Variants in LDLRAD4 observed in about 807,000 individuals in gnomAD.
The protein encoded by LDLRAD4 is low density lipoprotein receptor class A domain containing 4.
LDLRAD4 carries 5 observed loss-of-function variants against 17.0 expected under a neutral mutation model. That is an observed-to-expected ratio of 0.29 (90% CI 0.15 to 0.62). The LOEUF (loss-of-function observed/expected upper bound fraction) is 0.62. Among genes scored for constraint, LDLRAD4 ranks in the 20% least tolerant of loss-of-function variants. The pLI, the probability that LDLRAD4 is intolerant of heterozygous loss-of-function variation, is 0.84. For missense variants in LDLRAD4, 340 were observed against 424.7 expected, an observed-to-expected ratio of 0.80 and a Z score of 1.75; for synonymous variants, 168 against 171.8, an observed-to-expected ratio of 0.98 and a Z score of 0.17.
intron 1 of LDLRAD4, among the ~76,000 whole-genome samples, chr18:13,347,054 G>T (rs1307995209): frequency 6.6e-6 from 1 of 152,156 alleles, no homozygotes; most frequent in Non-Finnish European, 1.5e-5. Context: ...TTTAACTGGA[G>T]CATTTAGTTC....
chr18:13,536,171 C>T (rs187914035), intron 3 of LDLRAD4, among the ~76,000 whole-genome samples: 7 of 152,184 alleles, frequency 4.6e-5, no homozygotes, highest in East Asian at 1.9e-4. Flanking sequence ...GTCACCTATT[C>T]GAAGAAGTAT....
intron 3 of LDLRAD4, among the ~76,000 whole-genome samples, chr18:13,587,057 T>C (rs1370761315): frequency 6.6e-6 from 1 of 152,192 alleles, no homozygotes; most frequent in Non-Finnish European, 1.5e-5. Flanking sequence ...ATTTTCTTTT[T>C]GGAGGTTTCC....
intron 1 of LDLRAD4, among the ~76,000 whole-genome samples, chr18:13,268,890 CA>C (rs1432748114): frequency 6.6e-6 from 1 of 152,218 alleles, no homozygotes; most frequent in Non-Finnish European, 1.5e-5. Flanking sequence ...AAAATGAAGA[CA>C]GTAAATTAAC....
At chr18:13,314,196 A>G (rs2080810817) in intron 1 of LDLRAD4, among the ~76,000 whole-genome samples, 2 of 152,200 alleles carry the variant, frequency 1.3e-5, no homozygotes, top group South Asian at 2.1e-4. Flanking sequence ...TGATTTTGGC[A>G]TGTTTCCTAA....
chr18:13,548,255 C>T (rs1361590459), intron 3 of LDLRAD4, among the ~76,000 whole-genome samples: 1 of 150,084 alleles, frequency 6.7e-6, no homozygotes, highest in African/African-American at 2.5e-5. Context: ...CTGGAAAAAG[C>T]ACCGTAAGTT....
chr18:13,442,711 G>T (rs2146239083), intron 3 of LDLRAD4, among the ~76,000 whole-genome samples: 1 of 152,326 alleles, frequency 6.6e-6, no homozygotes, highest in South Asian at 2.1e-4. Context: ...TGTTTCCAAA[G>T]CCCCTTGGCC....
At chr18:13,323,100 A>AAG (rs1176399039) in intron 1 of LDLRAD4, among the ~76,000 whole-genome samples, 5 of 152,242 alleles carry the variant, frequency 3.3e-5, no homozygotes, top group African/African-American at 2.4e-5. Flanking sequence ...AGCAGGTGGG[A>AAG]AGAGGAGTAG....
chr18:13,234,318 C>A (rs917311443), intron 1 of LDLRAD4, among the ~76,000 whole-genome samples: 4 of 152,214 alleles, frequency 2.6e-5, no homozygotes, highest in Non-Finnish European at 1.5e-5. Flanking sequence ...CCTGGGTGCG[C>A]ACATTAGTCG....
chr18:13,341,172 CTTTG>C (rs1443600407), intron 1 of LDLRAD4, among the ~76,000 whole-genome samples: 1 of 151,576 alleles, frequency 6.6e-6, no homozygotes, highest in Non-Finnish European at 1.5e-5. Flanking sequence ...AGTCCTCCAG[CTTTG>C]TTTTTTTTTT....
chr18:13,306,938 A>T (rs571830653), intron 1 of LDLRAD4, among the ~76,000 whole-genome samples: 18 of 152,336 alleles, frequency 1.2e-4, no homozygotes, highest in African/African-American at 4.3e-4. Context: ...CTTAATGGAG[A>T]TAAGTACTTC....
chr18:13,584,944 G>A (rs1469053622), intron 3 of LDLRAD4, among the ~76,000 whole-genome samples: 1 of 152,236 alleles, frequency 6.6e-6, no homozygotes, highest in Non-Finnish European at 1.5e-5. Flanking sequence ...CAATTAGGGT[G>A]TCCTTATCCT....
In LDLRAD4 at chr18:13,645,495, C is replaced by G. The variant is rs149728575; in HGVS notation, c.759C>G (p.Pro253=). 4.2e-5 allele frequency: 67 copies of G among 1,610,508 alleles called. No homozygotes were observed. Among genetic ancestry groups the G allele is most frequent in the Middle Eastern group, 1.6e-4 (1 of 6,068 alleles). Residue 253 remains proline (P), a synonymous_variant, in exon 6 of 6, where the codon CCC becomes CCG. Transcript: ENST00000359446. This position sits in a 1 kb window ranked among gnomAD's most constrained non-coding sequence, Gnocchi z 5.7. ...ACGGGAGGATGGAGGGGCCACCCCC[C>G]ACATACAGCGAGGTGATGGGCCACC...
intron 1 of LDLRAD4, among the ~76,000 whole-genome samples, chr18:13,377,095 C>T (rs1302586653): frequency 1.3e-5 from 2 of 152,220 alleles, no homozygotes; most frequent in Non-Finnish European, 2.9e-5. Flanking sequence ...GACTACCCGT[C>T]AGAAGGCTTA....
intron 1 of LDLRAD4, among the ~76,000 whole-genome samples, chr18:13,238,961 G>A (rs776546198): frequency 2.6e-4 from 40 of 151,940 alleles, no homozygotes; most frequent in Non-Finnish European, 1.0e-4. Context: ...TGAGGTGGGC[G>A]GATCACCTGA....
intron 2 of LDLRAD4, among the ~76,000 whole-genome samples, chr18:13,404,732 A>G (rs2087566401): frequency 6.6e-6 from 1 of 151,534 alleles, no homozygotes; most frequent in South Asian, 2.1e-4. Context: ...CGGGAGGCGG[A>G]GCTTGCAGTG....
At chr18:13,458,965 T>C (rs2092287946) in intron 3 of LDLRAD4, among the ~76,000 whole-genome samples, 2 of 152,208 alleles carry the variant, frequency 1.3e-5, no homozygotes, top group Admixed American at 6.5e-5. Flanking sequence ...TCCTTGATTT[T>C]CACCCAGTGA....
In LDLRAD4 at chr18:13,255,851, C is replaced by T. The variant is rs140367652; in HGVS notation, c.-466-22254C>T. ...GAATTTCTGCTGAGCACTGGAATTC[C>T]ATTTTATCAGGATGAGGATGGCTGG... On this transcript the variant is annotated intron_variant, in intron 1 of 5. Coordinates refer to the LDLRAD4 transcript ENST00000399848. Among the ~76,000 whole-genome samples the T allele has an allele frequency of 2.5e-3, 381 of 152,158 alleles. 1 individual carries two copies. Among genetic ancestry groups the T allele is most frequent in the South Asian group, 0.025 (119 of 4,808 alleles).
chr18:13,553,925 A>G (rs2094459432), intron 3 of LDLRAD4, among the ~76,000 whole-genome samples: 1 of 152,120 alleles, frequency 6.6e-6, no homozygotes, highest in Admixed American at 6.5e-5. Flanking sequence ...TCATCTGTGC[A>G]GTTAATTAGT....
chr18:13,271,831 C>G (rs1399748923), intron 1 of LDLRAD4, among the ~76,000 whole-genome samples: 1 of 151,322 alleles, frequency 6.6e-6, no homozygotes, highest in East Asian at 1.9e-4. Flanking sequence ...AAAAGCTGAA[C>G]CAGCCCTGGT....
Sources: gnomAD v4.1 joint callset for allele counts (sites outside exome capture counted in the v4.1 genomes callset) on GRCh38, gnomAD v4.1.1 for gene constraint, Gnocchi (gnomAD v3.1) non-coding constraint, MANE v1.5 for transcripts, NCBI Gene and HGNC (gene_info 2026-07-23, HGNC 2026-07-21) for gene names.